The following ARFGEF3 variants were observed in gnomAD, a reference collection of about 807,000 sequenced individuals.
The protein encoded by ARFGEF3 is brefeldin A-inhibited guanine nucleotide-exchange protein 3.
A neutral mutation model predicts 221.7 loss-of-function variants in ARFGEF3; 96 were observed. The observed-to-expected ratio is 0.43, with a 90% CI of 0.37 to 0.51. The LOEUF (loss-of-function observed/expected upper bound fraction) is 0.51. ARFGEF3 is among the 20% of genes least tolerant of loss of function. The pLI, the probability that ARFGEF3 is intolerant of heterozygous loss-of-function variation, is 0.00. For synonymous variants in ARFGEF3, 1,145 were observed against 1,126.8 expected (o/e 1.02, Z -0.32); for missense variants, 2,410 against 2,789.9 (o/e 0.86, Z 3.07).
chr6:138,216,499 G>A (rs368322752), intron 4 of ARFGEF3: 3 of 152,180 alleles, frequency 2.0e-5, no homozygotes, highest in African/African-American at 7.2e-5. Context: ...AAGGAAGAAA[G>A]ACTGTTTGAG....
At chr6:138,306,011 TA>T (rs1779716705) in intron 22 of ARFGEF3, among the ~76,000 whole-genome samples, 1 of 152,126 alleles carries the variant, frequency 6.6e-6, no homozygotes, top group South Asian at 2.1e-4. Context: ...ATAAAGAAAT[TA>T]AAGACATCAA....
intron 8 of ARFGEF3, among the ~76,000 whole-genome samples, chr6:138,253,260 A>G (rs768922011): frequency 1.3e-5 from 2 of 152,082 alleles, no homozygotes; most frequent in Non-Finnish European, 2.9e-5. Context: ...TAAATGTTTC[A>G]TGGTCAGTTT....
At chr6:138,227,224 G>A (rs1408861154) in intron 4 of ARFGEF3, among the ~76,000 whole-genome samples, 2 of 152,020 alleles carry the variant, frequency 1.3e-5, no homozygotes, top group Non-Finnish European at 1.5e-5. Flanking sequence ...CATATGCTGG[G>A]CTTCCCTGAA....
At position 138,165,320 on chromosome 6, in the gene ARFGEF3, C is replaced by T. The variant is rs1419654360; in HGVS notation, c.85+3149C>T. 3.4e-5 allele frequency among the ~76,000 whole-genome samples: 5 copies of T among 148,154 alleles called. No individual in the cohort carries two copies. In the East Asian group the frequency reaches 6.1e-4, roughly 18 times the overall value. ...GACCCTCATAAGAGAGAGGGGCATCCGACACTGAGACCCTTGTGAGAGACA... is the reference window on the plus strand; with the variant it reads ...GACCCTCATAAGAGAGAGGGGCATCTGACACTGAGACCCTTGTGAGAGACA... On this transcript the variant is annotated intron_variant, in intron 1 of 33. Coordinates refer to ENST00000251691, the MANE Select transcript of ARFGEF3 (RefSeq NM_020340.5).
At position 138,292,047 on chromosome 6, in the gene ARFGEF3, C is replaced by A. The variant is rs752446236; in HGVS notation, c.3362C>A (p.Ala1121Asp). ...GTGGTGCTCACCCTCTCCACGCAAGCCGACAGGTGCGCGGCGCCGGCCTCC... is the reference window on the plus strand; with the variant it reads ...GTGGTGCTCACCCTCTCCACGCAAGACGACAGGTGCGCGGCGCCGGCCTCC... ...AKVVLTLSTQ[A>D]DRLFEDATDK... The change falls in exon 19 of 34, where the codon GCC becomes GAC. Residue 1121 changes from alanine to aspartate, a missense_variant. Physicochemically the swap from Ala to Asp is moderately radical, Grantham distance 126 (BLOSUM62 -2). Around this residue, in one of 5 missense-constraint regions of ARFGEF3, gnomAD observed 184 missense variants for 141.8 expected, o/e 1.30. Coordinates refer to ENST00000251691, the MANE Select transcript of ARFGEF3 (RefSeq NM_020340.5). The A allele has an allele frequency of 1.4e-6, 2 of 1,439,372 alleles. No homozygotes were observed. The highest frequency in any genetic ancestry group is 1.8e-6 in the Non-Finnish European group (2 of 1,099,386). 89.2% of individuals were successfully genotyped at this position (1,439,372 alleles called of 1,614,324 possible). A position where few individuals can be genotyped will look rare whatever the true frequency, so the allele number is the denominator to read the frequency against.
rs1468218363 is a variant in ARFGEF3 at position 138,217,964 on chromosome 6, A to T, written c.351+7923A>T. The T allele has an allele frequency of 1.9e-6, 3 of 1,563,216 alleles. No homozygotes were observed. The Admixed American group carries it at 5.8e-5, about 30-fold the overall frequency. ...TTCAACCATTTTTATTTTTCTGGAA[A>T]GGCTTTGCAGCAGGGCTGAGAGTTT... On this transcript the variant is annotated intron_variant, in intron 4 of 33. Coordinates refer to ENST00000251691, the MANE Select transcript of ARFGEF3 (RefSeq NM_020340.5).
intron 2 of ARFGEF3, among the ~76,000 whole-genome samples, chr6:138,180,591 A>T (rs1275697654): frequency 6.6e-6 from 1 of 150,818 alleles, no homozygotes; most frequent in Non-Finnish European, 1.5e-5. Context: ...TGGTTACCAT[A>T]AAAAAAAAGG....
At chr6:138,270,461 C>CAT (rs1778984131) in intron 12 of ARFGEF3, among the ~76,000 whole-genome samples, 1 of 131,830 alleles carries the variant, frequency 7.6e-6, no homozygotes. Flanking sequence ...CACACACACA[C>CAT]ACATATATAT....
chr6:138,254,929 C>G (rs1240639773), intron 9 of ARFGEF3, among the ~76,000 whole-genome samples: 1 of 152,152 alleles, frequency 6.6e-6, no homozygotes, highest in Admixed American at 6.5e-5. Flanking sequence ...GCAAGAGATA[C>G]TGAGCTTTAC....
At chr6:138,276,505 A>G (rs1035626652) in intron 12 of ARFGEF3, among the ~76,000 whole-genome samples, 5 of 152,208 alleles carry the variant, frequency 3.3e-5, no homozygotes, top group African/African-American at 9.6e-5. Flanking sequence ...GTCTTTTAAA[A>G]GAAAAGATAG....
At chr6:138,206,343 C>CTTTT (rs542624433) in intron 2 of ARFGEF3, among the ~76,000 whole-genome samples, 8,749 of 134,904 alleles carry the variant, frequency 0.065, 551 homozygotes, top group East Asian at 0.31. Flanking sequence ...AATATCTCTC[C>CTTTT]TTTTTTTTTT....
In ARFGEF3 at chr6:138,295,888, G is replaced by A. The variant is rs542394852; in HGVS notation, c.3503-922G>A. 2.6e-5 allele frequency among the ~76,000 whole-genome samples: 4 copies of A among 152,304 alleles called. No individual in the cohort carries two copies. In the South Asian group the frequency reaches 8.3e-4, roughly 32 times the overall value. On this transcript the variant is annotated intron_variant, in intron 20 of 33. Coordinates refer to ENST00000251691, the MANE Select transcript of ARFGEF3 (RefSeq NM_020340.5). ...AACACAGTTTATTGAGGGTCCCCAAGGGGTACAAAAATTGCCTTCAGGCTG... is the reference window on the plus strand; with the variant it reads ...AACACAGTTTATTGAGGGTCCCCAAAGGGTACAAAAATTGCCTTCAGGCTG...
intron 2 of ARFGEF3, among the ~76,000 whole-genome samples, chr6:138,197,799 C>T (rs771259322): frequency 2.0e-5 from 3 of 152,202 alleles, no homozygotes; most frequent in Admixed American, 6.5e-5. Context: ...ATGGCACTTC[C>T]GTGACTCAAC....
At chr6:138,250,475 G>T (rs1028157726) in intron 8 of ARFGEF3, among the ~76,000 whole-genome samples, 1 of 152,208 alleles carries the variant, frequency 6.6e-6, no homozygotes, top group African/African-American at 2.4e-5. Context: ...AATAGATGGG[G>T]CCTGCCAAAG....
chr6:138,204,339 C>CAAAAA (rs11336345), intron 2 of ARFGEF3, among the ~76,000 whole-genome samples: 2 of 60,426 alleles, frequency 3.3e-5, no homozygotes, highest in African/African-American at 5.2e-5. Flanking sequence ...ACTCCATCTC[C>CAAAAA]AAAAAAAAAA....
chr6:138,336,589 T>C lies in ARFGEF3; in HGVS notation c.*103T>C. On this transcript the variant is annotated 3_prime_UTR_variant, in exon 34 of 34. Transcript: ENST00000251691. ...CCACCACTAGCCCCACTTAAACTACTACTACTGTCTCAGAGAACAGTGTTT... is the reference window on the plus strand; with the variant it reads ...CCACCACTAGCCCCACTTAAACTACCACTACTGTCTCAGAGAACAGTGTTT... The C allele has an allele frequency of 4.5e-6, 4 of 896,604 alleles. No homozygotes were observed. The highest frequency in any genetic ancestry group is 2.0e-5 in the South Asian group (1 of 50,632). The allele number at this position is 896,604 out of a possible 1,614,324, so 55.5% of individuals were successfully genotyped here.
intron 29 of ARFGEF3, among the ~76,000 whole-genome samples, chr6:138,322,554 T>C (rs1229147396): frequency 6.6e-6 from 1 of 152,064 alleles, no homozygotes; most frequent in Non-Finnish European, 1.5e-5. Flanking sequence ...CTCAGCACTT[T>C]GGGAGGCCGA....
intron 4 of ARFGEF3, among the ~76,000 whole-genome samples, chr6:138,219,330 G>A (rs1312425845): frequency 2.0e-5 from 3 of 152,176 alleles, no homozygotes; most frequent in Non-Finnish European, 2.9e-5. Context: ...TGAAAGGGTG[G>A]TTGAAGAGGC....
chr6:138,194,544 A>G (rs1488152568), intron 2 of ARFGEF3, among the ~76,000 whole-genome samples: 1 of 152,236 alleles, frequency 6.6e-6, no homozygotes, highest in African/African-American at 2.4e-5. Context: ...GGCATGTTTC[A>G]TACTGTCAGT....
Sources: allele counts gnomAD v4.1 joint callset (sites outside exome capture counted in the v4.1 genomes callset), GRCh38; gene constraint gnomAD v4.1.1; regional missense constraint gnomAD v4.1.1; transcripts MANE v1.5; gene names NCBI Gene and HGNC (gene_info 2026-07-23, HGNC 2026-07-21).